AKAP6: variants seen among roughly 807,000 people sequenced by gnomAD.
AKAP6 encodes A-kinase anchor protein 6.
A neutral mutation model predicts 188.5 loss-of-function variants in AKAP6; 58 were observed. The ratio of observed to expected loss-of-function variants is 0.31; its 90% confidence interval spans 0.25 to 0.38. The LOEUF is 0.38. Ranked by LOEUF, AKAP6 falls within the 10% of genes least tolerant of loss-of-function variation. The probability of loss-of-function intolerance (pLI) is 1.00; values close to 1 mark genes in which losing one functional copy is unlikely to be tolerated. For missense variants in AKAP6, 2,710 were observed against 2,740.0 expected, an observed-to-expected ratio of 0.99 and a Z score of 0.24; for synonymous variants, 989 against 998.6, an observed-to-expected ratio of 0.99 and a Z score of 0.18.
intron 1 of AKAP6, among the ~76,000 whole-genome samples, chr14:32,370,230 A>G (rs1041659510): frequency 6.6e-6 from 1 of 152,176 alleles, no homozygotes; most frequent in African/African-American, 2.4e-5. Flanking sequence ...ATTAGCACAA[A>G]CCAGAAACTG....
rs557203478 is a variant in AKAP6, at chr14:32,568,210, C to G, written c.2347-8910C>G. On this transcript the variant is annotated intron_variant, in intron 4 of 13. Coordinates refer to ENST00000280979, the MANE Select transcript of AKAP6 (RefSeq NM_004274.5). This position sits in a 1 kb window ranked among gnomAD's most constrained non-coding sequence, Gnocchi z 6.2. ...AATGTGACTGTCCTTTGTTTCCTCT[C>G]TATGGACTTTGTGGGAACAAATCTG... 1.3e-5 allele frequency among the ~76,000 whole-genome samples: 2 copies of G among 152,240 alleles called. No individual in the cohort carries two copies. Among genetic ancestry groups the G allele is most frequent in the South Asian group, 4.2e-4 (2 of 4,816 alleles).
At chr14:32,539,465 T>C (rs933729803) in intron 3 of AKAP6, among the ~76,000 whole-genome samples, 6 of 152,142 alleles carry the variant, frequency 3.9e-5, no homozygotes, top group Non-Finnish European at 8.8e-5. Context: ...TAGTTCCAGA[T>C]TATATTCATC....
chr14:32,648,082 C>T lies in AKAP6; in HGVS notation c.2731-30229C>T, dbSNP rs143733051. 3.9e-5 allele frequency among the ~76,000 whole-genome samples: 6 copies of T among 152,144 alleles called. No individual in the cohort carries two copies. The East Asian group carries it at 9.7e-4, about 25-fold the overall frequency. On this transcript the variant is annotated intron_variant, in intron 7 of 13. Transcript: ENST00000280979. ...GTAATGCAAAAGGAGGCTGTTAGTT[C>T]GCCTCAGTATCATAAGCATGAGAAT... is the stretch of plus-strand genomic sequence containing the variant.
chr14:32,784,166 G>A (rs1179055521), intron 12 of AKAP6, among the ~76,000 whole-genome samples: 2 of 152,174 alleles, frequency 1.3e-5, no homozygotes, highest in Non-Finnish European at 2.9e-5. Context: ...ATGTGCTAGA[G>A]AAACTAGAGA....
At chr14:32,786,304 T>TTTTTTTTG (rs2033410359) in intron 12 of AKAP6, among the ~76,000 whole-genome samples, 6 of 74,800 alleles carry the variant, frequency 8.0e-5, no homozygotes, top group African/African-American at 2.5e-4. Context: ...TTATCTTTTT[T>TTTTTTTTG]TTTTTTTTTT....
chr14:32,419,515 C>T (rs961759203), intron 1 of AKAP6, among the ~76,000 whole-genome samples: 1 of 152,106 alleles, frequency 6.6e-6, no homozygotes, highest in Non-Finnish European at 1.5e-5. Context: ...TATTAGCTGA[C>T]AGATGTGGCT....
At chr14:32,591,968 ACGCTGG>A (rs1166564376) in intron 5 of AKAP6, among the ~76,000 whole-genome samples, 2 of 152,232 alleles carry the variant, frequency 1.3e-5, no homozygotes, top group African/African-American at 2.4e-5. Context: ...CATGGCAATT[ACGCTGG>A]GATCATCTAA....
At chr14:32,470,480 C>G (rs1878714371) in intron 2 of AKAP6, among the ~76,000 whole-genome samples, 1 of 152,186 alleles carries the variant, frequency 6.6e-6, no homozygotes, top group Non-Finnish European at 1.5e-5. Flanking sequence ...AATTGTATCA[C>G]TGCTGTCGTT....
At chr14:32,712,802 C>G (rs978310161) in intron 9 of AKAP6, among the ~76,000 whole-genome samples, 1 of 152,064 alleles carries the variant, frequency 6.6e-6, no homozygotes, top group Non-Finnish European at 1.5e-5. Flanking sequence ...AAGTGTTGAA[C>G]CCCTCAGTCA....
At position 32,834,717 on chromosome 14, in the gene AKAP6, A is replaced by G. The variant is rs1220578456; in HGVS notation, c.*4912A>G. The G allele has an allele frequency of 6.6e-6, 1 of 151,890 alleles. No individual in the cohort carries two copies. The highest frequency in any genetic ancestry group is 1.5e-5 in the Non-Finnish European group (1 of 67,962). The allele number at this position is 151,890 out of a possible 1,614,324, so 9.4% of individuals were successfully genotyped here. ...ACTCAGGGTAAACTTTTTTTTGTCAAGTAAATACATAGGTGACTTTGCATT... is the reference window on the plus strand; with the variant it reads ...ACTCAGGGTAAACTTTTTTTTGTCAGGTAAATACATAGGTGACTTTGCATT... On this transcript the variant is annotated 3_prime_UTR_variant, in exon 14 of 14. Transcript: ENST00000280979.
intron 8 of AKAP6, among the ~76,000 whole-genome samples, chr14:32,682,587 T>A (rs1472093948): frequency 1.3e-5 from 2 of 152,004 alleles, no homozygotes; most frequent in Non-Finnish European, 2.9e-5. Context: ...AGGATTGAAG[T>A]TAGAGGAGGT....
rs933732649 is a variant in AKAP6, at chr14:32,798,074, A to T, written c.3589-23328A>T. ...ATAACAAACAACCCCCTTTTAAAAA[A>T]TGAGCAAAGGACATGAACAGACACT... is the stretch of plus-strand genomic sequence containing the variant. On this transcript the variant is annotated intron_variant, in intron 12 of 13. Coordinates refer to ENST00000280979, the MANE Select transcript of AKAP6 (RefSeq NM_004274.5). 2.6e-4 allele frequency among the ~76,000 whole-genome samples: 39 copies of T among 152,144 alleles called. 1 individual carries two copies. Among genetic ancestry groups the T allele is most frequent in the Admixed American group, 2.4e-3 (37 of 15,264 alleles).
At chr14:32,646,757 C>G (rs1888002185) in intron 7 of AKAP6, among the ~76,000 whole-genome samples, 1 of 151,962 alleles carries the variant, frequency 6.6e-6, no homozygotes, top group African/African-American at 2.4e-5. Flanking sequence ...AATGTGTGCC[C>G]TCTAGTTCCA....
At chr14:32,697,337 T>C (rs1411626431) in intron 9 of AKAP6, among the ~76,000 whole-genome samples, 1 of 152,154 alleles carries the variant, frequency 6.6e-6, no homozygotes, top group African/African-American at 2.4e-5. Flanking sequence ...CCAACCTTAA[T>C]TGAGTTTGTT....
At position 32,577,222 on chromosome 14, in the gene AKAP6, C is replaced by T; in HGVS notation, c.2449C>T (p.Leu817=). ...TAAAGCAGAGATGGATGACCTTAAA[C>T]TGTATCTGGAGACACACTTGGTAGG... ...PPKAEMDDLK[L]YLETHLSFKL... is the part of the protein sequence containing the mutation. Residue 817 remains leucine (L), a synonymous_variant, in exon 5 of 14, where the codon CTG becomes TTG. Transcript: ENST00000280979. 6.2e-7 allele frequency: 1 copy of T among 1,611,212 alleles called. No homozygotes were observed. Among genetic ancestry groups the T allele is most frequent in the Non-Finnish European group, 8.5e-7 (1 of 1,178,864 alleles).
intron 1 of AKAP6, among the ~76,000 whole-genome samples, chr14:32,419,298 G>C (rs1566492749): frequency 6.6e-6 from 1 of 152,150 alleles, no homozygotes; most frequent in Non-Finnish European, 1.5e-5. Flanking sequence ...TCTGACATCA[G>C]AGTCTTCTAA....
At chr14:32,577,749 C>T (rs1361507785) in intron 5 of AKAP6, among the ~76,000 whole-genome samples, 2 of 152,082 alleles carry the variant, frequency 1.3e-5, no homozygotes, top group Non-Finnish European at 2.9e-5. Context: ...ATTAATACAA[C>T]TGTCATTACA....
intron 1 of AKAP6, chr14:32,403,467 C>T (rs1036119023): frequency 6.6e-6 from 1 of 152,180 alleles, no homozygotes; most frequent in East Asian, 1.9e-4. Flanking sequence ...AAATTGCACA[C>T]CATTAAAAGG....
chr14:32,744,458 A>G (rs1163453067), intron 11 of AKAP6, among the ~76,000 whole-genome samples: 1 of 151,996 alleles, frequency 6.6e-6, no homozygotes, highest in Non-Finnish European at 1.5e-5. Flanking sequence ...CTGGGACTAC[A>G]GGCACCCGCC....
Sources: allele counts gnomAD v4.1 joint callset (sites outside exome capture counted in the v4.1 genomes callset), GRCh38; gene constraint gnomAD v4.1.1; non-coding constraint Gnocchi (gnomAD v3.1); transcripts MANE v1.5; gene names NCBI Gene and HGNC (gene_info 2026-07-23, HGNC 2026-07-21).